The following NKAIN2 variants were observed in gnomAD, a reference collection of about 807,000 sequenced individuals.
The protein encoded by NKAIN2 is sodium/potassium-transporting ATPase subunit beta-1-interacting protein 2.
In NKAIN2, 14 loss-of-function variants were observed where a neutral mutation model predicts 32.6. The observed-to-expected ratio is 0.43, with a 90% confidence interval of 0.28 to 0.67. NKAIN2 has a LOEUF of 0.67. Among genes scored for constraint, NKAIN2 ranks in the 30% least tolerant of loss-of-function variants. NKAIN2 has a pLI of 0.17. For missense variants in NKAIN2, 198 were observed against 258.3 expected, an observed-to-expected ratio of 0.77 and a Z score of 1.60; for synonymous variants, 80 against 87.2, an observed-to-expected ratio of 0.92 and a Z score of 0.46.
intron 3 of NKAIN2, among the ~76,000 whole-genome samples, chr6:124,373,407 A>T (rs1799853543): frequency 6.6e-6 from 1 of 152,166 alleles, no homozygotes; most frequent in Non-Finnish European, 1.5e-5. Flanking sequence ...GTTGCCCATT[A>T]GACATCTCAA....
At chr6:124,029,637 T>G (rs1781315131) in intron 1 of NKAIN2, among the ~76,000 whole-genome samples, 1 of 152,194 alleles carries the variant, frequency 6.6e-6, no homozygotes, top group Non-Finnish European at 1.5e-5. Flanking sequence ...AGTATTAAAA[T>G]AGAATTAACA....
chr6:124,680,662 A>C (rs533188207), intron 4 of NKAIN2, among the ~76,000 whole-genome samples: 11 of 152,216 alleles, frequency 7.2e-5, no homozygotes, highest in Admixed American at 7.2e-4. Context: ...TAATGCAAAT[A>C]ATAAGGGAAT....
chr6:124,131,113 C>T (rs1442833763), intron 1 of NKAIN2, among the ~76,000 whole-genome samples: 1 of 152,122 alleles, frequency 6.6e-6, no homozygotes, highest in South Asian at 2.1e-4. Context: ...TTACCCTCCA[C>T]GAGAAACTTC....
At chr6:124,623,273 C>A (rs2071582617) in intron 3 of NKAIN2, among the ~76,000 whole-genome samples, 1 of 150,352 alleles carries the variant, frequency 6.7e-6, no homozygotes, top group African/African-American at 2.5e-5. Context: ...CAGAACTATT[C>A]TTTGACTCAT....
intron 1 of NKAIN2, among the ~76,000 whole-genome samples, chr6:124,010,075 C>T (rs1194337879): frequency 4.6e-5 from 7 of 151,978 alleles, no homozygotes. Flanking sequence ...CTTACAGGGC[C>T]CCAAGTCCAA....
intron 3 of NKAIN2, among the ~76,000 whole-genome samples, chr6:124,649,731 A>G (rs776076419): frequency 6.6e-6 from 1 of 152,220 alleles, no homozygotes; most frequent in Non-Finnish European, 1.5e-5. Context: ...AACAGTCAGT[A>G]TAGCAAATTG....
intron 1 of NKAIN2, among the ~76,000 whole-genome samples, chr6:123,880,127 C>T (rs571357224): frequency 1.2e-4 from 19 of 152,206 alleles, no homozygotes; most frequent in South Asian, 8.3e-4. Flanking sequence ...GAGAAGAGCA[C>T]GAGGCATTTT....
intron 3 of NKAIN2, among the ~76,000 whole-genome samples, chr6:124,486,700 G>C (rs1455356400): frequency 1.3e-5 from 2 of 152,042 alleles, no homozygotes; most frequent in Non-Finnish European, 2.9e-5. Flanking sequence ...ATGCTAAAAA[G>C]GAAAGCTTAT....
chr6:124,052,795 CA>C (rs1221255264), intron 1 of NKAIN2, among the ~76,000 whole-genome samples: 1 of 151,952 alleles, frequency 6.6e-6, no homozygotes, highest in Non-Finnish European at 1.5e-5. Flanking sequence ...AGTCAGGGGA[CA>C]AAAAGTCTTG....
intron 2 of NKAIN2, among the ~76,000 whole-genome samples, chr6:124,322,121 T>TA (rs1394073611): frequency 6.6e-6 from 1 of 152,110 alleles, no homozygotes; most frequent in South Asian, 2.1e-4. Flanking sequence ...CATATTGCAC[T>TA]AAAAAACTTT....
intron 3 of NKAIN2, among the ~76,000 whole-genome samples, chr6:124,577,552 G>T (rs1781378154): frequency 6.6e-6 from 1 of 152,170 alleles, no homozygotes. Flanking sequence ...CCAGACGTCA[G>T]AACCTGAATT....
intron 1 of NKAIN2, among the ~76,000 whole-genome samples, chr6:123,889,673 C>T (rs374612918): frequency 7.2e-4 from 110 of 152,188 alleles, no homozygotes; most frequent in African/African-American, 2.6e-3. Flanking sequence ...TAATAGTTTA[C>T]ACAAAGGAGA....
intron 5 of NKAIN2, among the ~76,000 whole-genome samples, chr6:124,803,719 T>C (rs1030777187): frequency 4.6e-5 from 7 of 152,198 alleles, no homozygotes; most frequent in Non-Finnish European, 8.8e-5. Flanking sequence ...TTTGTCACTC[T>C]ATATAAAATT....
At chr6:123,898,551 G>GTTTT (rs11348160) in intron 1 of NKAIN2, among the ~76,000 whole-genome samples, 3 of 131,816 alleles carry the variant, frequency 2.3e-5, no homozygotes, top group African/African-American at 8.0e-5. Flanking sequence ...CTCCAGGGGT[G>GTTTT]TTTTTTTTTT....
intron 4 of NKAIN2, among the ~76,000 whole-genome samples, chr6:124,734,069 A>ACACACACACG (rs1776818757): frequency 1.3e-5 from 2 of 150,820 alleles, no homozygotes; most frequent in Admixed American, 1.3e-4. Context: ...ATGCACACAC[A>ACACACACACG]CACACACACA....
At chr6:123,951,055 T>A (rs556392182) in intron 1 of NKAIN2, among the ~76,000 whole-genome samples, 1 of 152,188 alleles carries the variant, frequency 6.6e-6, no homozygotes, top group South Asian at 2.1e-4. Context: ...TTAACTTCCA[T>A]CTATTTATAC....
chr6:124,076,102 A>G (rs1297164296), intron 1 of NKAIN2, among the ~76,000 whole-genome samples: 1 of 152,228 alleles, frequency 6.6e-6, no homozygotes. Context: ...AAGTCCCAGC[A>G]TTGGCTATCA....
At chr6:123,817,314 C>T (rs1270691166) in intron 1 of NKAIN2, among the ~76,000 whole-genome samples, 1 of 152,070 alleles carries the variant, frequency 6.6e-6, no homozygotes, top group Non-Finnish European at 1.5e-5. Context: ...CATCCCTGGC[C>T]TTTATACACT....
At chr6:124,043,923 C>T (rs1781994125) in intron 1 of NKAIN2, among the ~76,000 whole-genome samples, 1 of 152,030 alleles carries the variant, frequency 6.6e-6, no homozygotes, top group Non-Finnish European at 1.5e-5. Context: ...GAAAGTAAGA[C>T]AAACCATAGT....
Sources: gnomAD v4.1 joint callset for allele counts (sites outside exome capture counted in the v4.1 genomes callset) on GRCh38, gnomAD v4.1.1 for gene constraint, MANE v1.5 for transcripts, NCBI Gene and HGNC (gene_info 2026-07-23, HGNC 2026-07-21) for gene names.